Variants in NSG2 observed in about 807,000 individuals in gnomAD.
NSG2 encodes neuronal vesicle trafficking-associated protein 2.
In NSG2, 4 loss-of-function variants were observed where a neutral mutation model predicts 16.9. That is an observed-to-expected ratio of 0.24 (90% CI 0.12 to 0.54). NSG2 has a LOEUF of 0.54. NSG2 is among the 20% of genes least tolerant of loss of function. The probability of loss-of-function intolerance (pLI) is 0.95; values close to 1 mark genes in which losing one functional copy is unlikely to be tolerated. For synonymous variants in NSG2, 98 were observed against 88.7 expected (o/e 1.11, Z -0.59); for missense variants, 179 against 221.1 (o/e 0.81, Z 1.21).
chr5:174,064,263 C>T lies in NSG2; in HGVS notation c.161C>T (p.Pro54Leu), dbSNP rs142224266. The T allele has an allele frequency of 7.4e-6, 12 of 1,611,032 alleles. No individual in the cohort carries two copies. Among genetic ancestry groups the T allele is most frequent in the South Asian group, 4.4e-5 (4 of 90,472 alleles). The change falls in exon 3 of 5, where the codon CCG becomes CTG. Residue 54 changes from proline to leucine, a missense_variant. Pro to Leu is a moderately conservative substitution (Grantham distance 98, BLOSUM62 -3). Coordinates refer to ENST00000303177, the MANE Select transcript of NSG2 (RefSeq NM_015980.5). ...VIVKTRTEYQ[P>L]EQKNKGKFRV... ...GTGAAGACAAGAACGGAATATCAGC[C>T]GGAACAGAAGAACAAAGGGAAGTTC... is the stretch of plus-strand genomic sequence containing the variant.
chr5:174,071,384 G>A (rs1024449452), intron 3 of NSG2, among the ~76,000 whole-genome samples: 9 of 152,194 alleles, frequency 5.9e-5, no homozygotes, highest in Non-Finnish European at 1.0e-4. Context: ...CTACTTGGGA[G>A]GCTGAGGCAG....
intron 2 of NSG2, among the ~76,000 whole-genome samples, chr5:174,057,784 A>G (rs1759988204): frequency 6.6e-6 from 1 of 152,074 alleles, no homozygotes. Flanking sequence ...TGGCCACTTA[A>G]AACTGCTTCT....
chr5:174,060,871 A>C (rs1268795751), intron 2 of NSG2, among the ~76,000 whole-genome samples: 1 of 152,080 alleles, frequency 6.6e-6, no homozygotes, highest in Admixed American at 6.5e-5. Flanking sequence ...TCAGTGGAGA[A>C]TCTCTTTCCA....
chr5:174,107,294 T>C lies in NSG2; in HGVS notation c.325-20T>C, dbSNP rs1760997449. 1.3e-6 allele frequency: 2 copies of C among 1,532,162 alleles called. No homozygotes were observed. Among genetic ancestry groups the C allele is most frequent in the Admixed American group, 3.9e-5 (2 of 51,050 alleles). 94.9% of individuals were successfully genotyped at this position (1,532,162 alleles called of 1,614,324 possible). ...AGCAGTTTGCTGAATGACCCCTGAC[T>C]CTGTCTCTTTCTTCCCCAGCACAAA... On this transcript the variant is annotated intron_variant, in intron 4 of 4. Transcript: ENST00000303177. This position sits in a 1 kb window ranked among gnomAD's most constrained non-coding sequence, Gnocchi z 4.5.
At chr5:174,098,049 G>A (rs1316724898) in intron 3 of NSG2, among the ~76,000 whole-genome samples, 1 of 152,120 alleles carries the variant, frequency 6.6e-6, no homozygotes, top group Non-Finnish European at 1.5e-5. Flanking sequence ...TGGGGATGCA[G>A]TGTGCTCCTA....
chr5:174,083,886 A>G (rs1205334978), intron 3 of NSG2, among the ~76,000 whole-genome samples: 2 of 152,224 alleles, frequency 1.3e-5, no homozygotes, highest in African/African-American at 2.4e-5. Flanking sequence ...CCCTTTGTAC[A>G]GAAGATAGAG....
chr5:174,080,517 T>C (rs1228278167), intron 3 of NSG2, among the ~76,000 whole-genome samples: 55 of 61,376 alleles, frequency 9.0e-4, no homozygotes, highest in South Asian at 1.5e-3. Context: ...CTTTCCCTCT[T>C]TCTTTCTTTC....
chr5:174,071,505 G>A (rs191364759), intron 3 of NSG2, among the ~76,000 whole-genome samples: 1 of 152,292 alleles, frequency 6.6e-6, no homozygotes, highest in East Asian at 1.9e-4. Context: ...AACAACAGAA[G>A]AACCAGTGTC....
intron 3 of NSG2, among the ~76,000 whole-genome samples, chr5:174,090,410 G>A (rs1037884296): frequency 8.5e-5 from 13 of 152,106 alleles, no homozygotes; most frequent in Non-Finnish European, 1.5e-4. Context: ...TTTCACTGGG[G>A]GCTGGTCACA....
chr5:174,080,505 T>C (rs1308190455), intron 3 of NSG2, among the ~76,000 whole-genome samples: 7 of 123,340 alleles, frequency 5.7e-5, no homozygotes, highest in African/African-American at 2.0e-4. Context: ...CCCTCTTTCT[T>C]TCTTTCCCTC....
chr5:174,100,895 G>A (rs1240837151), intron 3 of NSG2, among the ~76,000 whole-genome samples: 2 of 152,258 alleles, frequency 1.3e-5, no homozygotes, highest in African/African-American at 4.8e-5. Flanking sequence ...CCCATGTTGG[G>A]AGGTCTTGCC....
At chr5:174,105,467 T>C in intron 4 of NSG2, among the ~76,000 whole-genome samples, 1 of 152,248 alleles carries the variant, frequency 6.6e-6, no homozygotes. Flanking sequence ...CGTAATGATG[T>C]ATTTGCCTTA....
intron 3 of NSG2, among the ~76,000 whole-genome samples, chr5:174,068,122 A>C (rs1003061389): frequency 6.6e-6 from 1 of 152,146 alleles, no homozygotes; most frequent in African/African-American, 2.4e-5. Flanking sequence ...GGGCTGAGGG[A>C]ACCTTGGAAA....
At chr5:174,047,101 A>G (rs753476378) in intron 2 of NSG2, among the ~76,000 whole-genome samples, 32 of 152,324 alleles carry the variant, frequency 2.1e-4, no homozygotes, top group Admixed American at 5.9e-4. Flanking sequence ...TCATATCTGC[A>G]TAAATGGGCA....
chr5:174,084,503 C>T (rs1164989637), intron 3 of NSG2, among the ~76,000 whole-genome samples: 3 of 152,194 alleles, frequency 2.0e-5, no homozygotes, highest in Non-Finnish European at 4.4e-5. Flanking sequence ...AACTGGCTTT[C>T]TCAGCTGGCC....
At chr5:174,078,854 T>C (rs184474113) in intron 3 of NSG2, among the ~76,000 whole-genome samples, 6 of 152,314 alleles carry the variant, frequency 3.9e-5, no homozygotes, top group African/African-American at 1.4e-4. Flanking sequence ...GTCTCTCAAC[T>C]TTCAGAACTG....
chr5:174,063,373 C>T (rs796571467), intron 2 of NSG2, among the ~76,000 whole-genome samples: 2 of 152,074 alleles, frequency 1.3e-5, no homozygotes, highest in South Asian at 4.1e-4. Context: ...ATGTTAACCA[C>T]CTCTGCAAAA....
chr5:174,107,582 A>C lies in NSG2; in HGVS notation c.*77A>C. On this transcript the variant is annotated 3_prime_UTR_variant, in exon 5 of 5. Coordinates refer to ENST00000303177, the MANE Select transcript of NSG2 (RefSeq NM_015980.5). The surrounding 1 kb of genome is among the most constrained non-coding windows in gnomAD (Gnocchi z 4.5). The stretch of plus-strand genomic sequence containing the variant: ...GGCTAAGCCAAGCTCCAGTTACAAG[A>C]CAACACTGTACTCCTGGGATATGGG... 1 of 1,094,004 alleles carries C rather than the reference A, an allele frequency of 9.1e-7. No individual in the cohort carries two copies. The highest frequency in any genetic ancestry group is 1.3e-6 in the Non-Finnish European group (1 of 786,790). The allele number at this position is 1,094,004 out of a possible 1,614,324, so 67.8% of individuals were successfully genotyped here.
At chr5:174,104,165 C>A in intron 3 of NSG2, 63 bp from the exon 4 acceptor site, 2 of 1,169,844 alleles carry the variant, frequency 1.7e-6, no homozygotes, top group Non-Finnish European at 2.6e-6. Flanking sequence ...GCTCTGAAAG[C>A]TGCATACGGG....
Sources: gnomAD v4.1 joint callset for allele counts (sites outside exome capture counted in the v4.1 genomes callset) on GRCh38, gnomAD v4.1.1 for gene constraint, Gnocchi (gnomAD v3.1) non-coding constraint, MANE v1.5 for transcripts, NCBI Gene and HGNC (gene_info 2026-07-23, HGNC 2026-07-21) for gene names.